Variants in BTAF1 observed in about 807,000 individuals in gnomAD.
BTAF1 encodes B-TFIID TATA-box binding protein associated factor 1.
Under a neutral mutation model 227.1 loss-of-function variants are expected in BTAF1, and 38 were observed. That is an observed-to-expected ratio of 0.17 (90% CI 0.13 to 0.22). The LOEUF is 0.22. Ranked by LOEUF, BTAF1 falls within the 10% of genes least tolerant of loss-of-function variation. The pLI is 1.00. For synonymous variants in BTAF1, 742 were observed against 751.9 expected (o/e 0.99, Z 0.21); for missense variants, 1,598 against 2,204.0 (o/e 0.73, Z 5.51).
chr10:91,964,275 A>G lies in BTAF1; in HGVS notation c.1529+74A>G, dbSNP rs964398917. The G allele has an allele frequency of 2.0e-6, 3 of 1,485,888 alleles. No homozygotes were observed. In the African/African-American group the frequency reaches 4.2e-5, roughly 21 times the overall value. 92.0% of individuals were successfully genotyped at this position (1,485,888 alleles called of 1,614,324 possible). A position where few individuals can be genotyped will look rare whatever the true frequency, so the allele number is the denominator to read the frequency against. ...TTCGAGATAATTCAGCCTAAACATAACAATATTTTAGCACCTTTAAGAATA... is the reference window on the plus strand; with the variant it reads ...TTCGAGATAATTCAGCCTAAACATAGCAATATTTTAGCACCTTTAAGAATA... On this transcript the variant is annotated intron_variant, in intron 13 of 37. Transcript: ENST00000265990.
Position 92,029,170 on chromosome 10 carries a change from A to G in BTAF1, c.*237A>G. On this transcript the variant is annotated 3_prime_UTR_variant, in exon 38 of 38. Coordinates refer to ENST00000265990, the MANE Select transcript of BTAF1 (RefSeq NM_003972.3). ...TAAATTTTACATGCTGAAAAGCTGC[A>G]GAGCAGAGGAACCAAACCAGGTTTA... 2.8e-6 allele frequency: 1 copy of G among 359,994 alleles called. No individual in the cohort carries two copies. Among genetic ancestry groups the G allele is most frequent in the Non-Finnish European group, 4.8e-6 (1 of 208,198 alleles). The allele number at this position is 359,994 out of a possible 1,614,324, so 22.3% of individuals were successfully genotyped here.
At chr10:92,008,597 C>T (rs1850101915) in intron 26 of BTAF1, among the ~76,000 whole-genome samples, 1 of 151,774 alleles carries the variant, frequency 6.6e-6, no homozygotes, top group African/African-American at 2.4e-5. Context: ...GATCCTCCCA[C>T]CTTGGCCCCC....
intron 6 of BTAF1, among the ~76,000 whole-genome samples, chr10:91,954,497 G>A (rs1049308638): frequency 3.3e-5 from 5 of 151,808 alleles, no homozygotes; most frequent in Admixed American, 3.3e-4. Flanking sequence ...CTCAAAGGGT[G>A]GTTCAAAACT....
intron 4 of BTAF1, among the ~76,000 whole-genome samples, chr10:91,943,035 C>T (rs1845118334): frequency 6.6e-6 from 1 of 152,038 alleles, no homozygotes; most frequent in Non-Finnish European, 1.5e-5. Flanking sequence ...AAAAATAAGA[C>T]TTGGATAGGT....
chr10:91,971,469 C>CTTTT (rs11299263), intron 14 of BTAF1, among the ~76,000 whole-genome samples: 1 of 97,428 alleles, frequency 1.0e-5, no homozygotes, highest in Admixed American at 1.1e-4. Flanking sequence ...TAAAGCCAAA[C>CTTTT]TTTTTTTTTT....
At chr10:91,927,829 A>G (rs1258600459) in intron 1 of BTAF1, among the ~76,000 whole-genome samples, 2 of 152,214 alleles carry the variant, frequency 1.3e-5, no homozygotes, top group African/African-American at 4.8e-5. Flanking sequence ...TAACTAGTGA[A>G]TGACTAGCTG....
intron 14 of BTAF1, among the ~76,000 whole-genome samples, chr10:91,970,865 G>T (rs1471297378): frequency 6.6e-6 from 1 of 152,174 alleles, no homozygotes; most frequent in Non-Finnish European, 1.5e-5. Flanking sequence ...GGAAGATTAG[G>T]TGATGTGGTT....
Position 92,013,782 on chromosome 10 carries a change from G to A in BTAF1, c.4427G>A (p.Arg1476Gln). ...CCTATATTAGCAAGTAGGGATGCTC[G>A]AAGCTCCAGTCGAGAGCAAGAAGCA... ...GKPILASRDA[R>Q]SSSREQEAGV... is the part of the protein sequence containing the mutation. The change falls in exon 31 of 38, where the codon CGA becomes CAA. Residue 1476 changes from arginine to glutamine, a missense_variant. By Grantham distance (43) the Arg-to-Gln change is conservative. Transcript: ENST00000265990. The A allele has an allele frequency of 1.2e-6, 2 of 1,614,004 alleles. No homozygotes were observed. The highest frequency in any genetic ancestry group is 1.7e-6 in the Non-Finnish European group (2 of 1,180,012).
At position 91,950,807 on chromosome 10, in the gene BTAF1, A is replaced by T. The variant is rs185509795; in HGVS notation, c.401-596A>T. On this transcript the variant is annotated intron_variant, in intron 4 of 37. Transcript: ENST00000265990. Reference sequence around the variant, plus strand: ...AGGTACAGGTGTAGCTATAAAATAAAATTGATTTGTTTCCATAGAGATGTA... The same window carrying T: ...AGGTACAGGTGTAGCTATAAAATAATATTGATTTGTTTCCATAGAGATGTA... Among the ~76,000 whole-genome samples the T allele has an allele frequency of 1.9e-4, 29 of 150,956 alleles. No homozygotes were observed. The East Asian group carries it at 3.5e-3, about 18-fold the overall frequency.
intron 12 of BTAF1, among the ~76,000 whole-genome samples, chr10:91,963,006 C>A (rs1289419315): frequency 6.6e-6 from 1 of 151,554 alleles, no homozygotes; most frequent in African/African-American, 2.4e-5. Context: ...TTTTTTAAAT[C>A]TAGTCTCCCC....
At chr10:91,961,846 G>T (rs1435277046) in intron 11 of BTAF1, among the ~76,000 whole-genome samples, 1 of 152,054 alleles carries the variant, frequency 6.6e-6, no homozygotes, top group African/African-American at 2.4e-5. Context: ...GGAAGGTATG[G>T]CTTTTCTTTC....
At chr10:92,022,421 C>CT (rs894244544) in intron 34 of BTAF1, among the ~76,000 whole-genome samples, 66 of 151,722 alleles carry the variant, frequency 4.4e-4, no homozygotes, top group Admixed American at 2.5e-3. Flanking sequence ...ACTTATAACA[C>CT]TTTTTTTTTC....
At chr10:91,999,553 C>T (rs1589925532) in intron 25 of BTAF1, among the ~76,000 whole-genome samples, 1 of 152,312 alleles carries the variant, frequency 6.6e-6, no homozygotes, top group East Asian at 1.9e-4. Context: ...CGCCACTGCG[C>T]CCTGCTAATT....
intron 35 of BTAF1, 76 bp from the exon 36 acceptor site, chr10:92,026,516 C>CTTAAA: frequency 8.4e-7 from 1 of 1,192,440 alleles, no homozygotes; most frequent in Non-Finnish European, 1.1e-6. Context: ...TTCATTTGTG[C>CTTAAA]TCTTTAATTT....
At position 91,994,619 on chromosome 10, in the gene BTAF1, C is replaced by T; in HGVS notation, c.3284C>T (p.Ser1095Leu). 1 of 1,613,770 alleles carries T rather than the reference C, an allele frequency of 6.2e-7. No homozygotes were observed. Among genetic ancestry groups the T allele is most frequent in the Non-Finnish European group, 8.5e-7 (1 of 1,179,660 alleles). The stretch of plus-strand genomic sequence containing the variant: ...CAGGTTTTTGAAACAGCAGCAGCTT[C>T]AATGGATTCTGAGCTTCATCCCTTG... ...SLQVFETAAA[S>L]MDSELHPLLV... Residue 1095 changes from serine to leucine, a missense_variant, in exon 23 of 38, where the codon TCA becomes TTA. By Grantham distance (145) the Ser-to-Leu change is moderately radical. This residue lies in a region of BTAF1 where 425 missense variants were observed against 491.2 expected (regional missense o/e 0.87). Transcript: ENST00000265990.
chr10:92,016,163 T>A (rs1850707576), intron 32 of BTAF1, among the ~76,000 whole-genome samples, 177 bp from the exon 33 acceptor site: 1 of 152,228 alleles, frequency 6.6e-6, no homozygotes, highest in Non-Finnish European at 1.5e-5. Flanking sequence ...TTAAAGGAAT[T>A]TACCAAGATG....
chr10:91,989,099 A>G (rs1803119160), intron 19 of BTAF1, 55 bp from the exon 20 acceptor site: 6 of 1,433,942 alleles, frequency 4.2e-6, no homozygotes, highest in African/African-American at 2.9e-5. Context: ...AGGAGCTTAC[A>G]GTCTATTTGG....
chr10:91,973,761 G>A (rs1361219178), intron 14 of BTAF1, among the ~76,000 whole-genome samples: 8 of 151,494 alleles, frequency 5.3e-5, no homozygotes, highest in South Asian at 2.1e-4. Context: ...AAAATTAGCC[G>A]GGCGTAGTGG....
chr10:92,016,271 C>A, intron 32 of BTAF1, 69 bp from the exon 33 acceptor site: 2 of 1,534,914 alleles, frequency 1.3e-6, no homozygotes, highest in Non-Finnish European at 1.7e-6. Flanking sequence ...TTGGCCTTTG[C>A]TGGTTATGTG....
Sources: allele counts gnomAD v4.1 joint callset (sites outside exome capture counted in the v4.1 genomes callset), GRCh38; gene constraint gnomAD v4.1.1; regional missense constraint gnomAD v4.1.1; transcripts MANE v1.5; gene names NCBI Gene and HGNC (gene_info 2026-07-23, HGNC 2026-07-21).